ATOSB: variants seen among roughly 807,000 people sequenced by gnomAD.
ATOSB encodes atos homolog protein B.
chr9:35,104,458 C>A, the ATOSB span: 1 of 179,510 alleles, frequency 5.6e-6, no homozygotes, highest in Non-Finnish European at 1.3e-5. Context: ...GACCCCAAAA[C>A]AAGGAGACAC....
the ATOSB span, among the ~76,000 whole-genome samples, chr9:35,113,926 G>A: frequency 6.6e-6 from 1 of 152,124 alleles, no homozygotes; most frequent in African/African-American, 2.4e-5. Context: ...GCAATCCGGC[G>A]ATCTGGATCC....
the ATOSB span, chr9:35,105,671 C>T: frequency 6.2e-7 from 1 of 1,612,676 alleles, no homozygotes; most frequent in Non-Finnish European, 8.5e-7. This position sits in a 1 kb window ranked among gnomAD's most constrained non-coding sequence, Gnocchi z 5.5. Context: ...ATCCCTGGGC[C>T]CTCTCCTCAC....
chr9:35,105,123 C>T, the ATOSB span: 1 of 1,344,200 alleles, frequency 7.4e-7, no homozygotes, highest in Non-Finnish European at 1.0e-6. This position sits in a 1 kb window ranked among gnomAD's most constrained non-coding sequence, Gnocchi z 5.5. Flanking sequence ...GGCTTTAATT[C>T]AAGCCTGAAG....
chr9:35,114,751 C>T, the ATOSB span, among the ~76,000 whole-genome samples: 18 of 152,212 alleles, frequency 1.2e-4, no homozygotes, highest in African/African-American at 3.4e-4. Flanking sequence ...CTCCTCACCA[C>T]TTCCCCCCTC....
At chr9:35,105,779 T>C in the ATOSB span, 1 of 1,614,038 alleles carries the variant, frequency 6.2e-7, no homozygotes, top group Admixed American at 1.7e-5. This position sits in a 1 kb window ranked among gnomAD's most constrained non-coding sequence, Gnocchi z 5.5. Flanking sequence ...AGGAAGGTCA[T>C]GTGGGCAGCA....
chr9:35,105,410 G>T, the ATOSB span: 1 of 1,583,274 alleles, frequency 6.3e-7, no homozygotes, highest in Non-Finnish European at 8.6e-7. The surrounding 1 kb of genome is among the most constrained non-coding windows in gnomAD (Gnocchi z 5.5). Context: ...TAAGAATCCA[G>T]GCTGGGTTCA....
the ATOSB span, chr9:35,106,095 C>G: frequency 6.6e-7 from 1 of 1,518,274 alleles, no homozygotes; most frequent in Non-Finnish European, 9.0e-7. The surrounding 1 kb of genome is among the most constrained non-coding windows in gnomAD (Gnocchi z 4.6). Flanking sequence ...AAGCTCTCAC[C>G]CTGAACCTGC....
chr9:35,105,298 G>C, the ATOSB span: 1 of 1,614,176 alleles, frequency 6.2e-7, no homozygotes, highest in Non-Finnish European at 8.5e-7. This position sits in a 1 kb window ranked among gnomAD's most constrained non-coding sequence, Gnocchi z 5.5. Flanking sequence ...CCTGTGTCCA[G>C]CTCCAGGCTC....
chr9:35,107,276 T>C, the ATOSB span: 2 of 1,347,888 alleles, frequency 1.5e-6, no homozygotes, highest in East Asian at 5.1e-5. Flanking sequence ...TCAGCTGAGA[T>C]TGTGCCACTG....
chr9:35,107,501 C>T, the ATOSB span: 1 of 1,606,658 alleles, frequency 6.2e-7, no homozygotes, highest in Non-Finnish European at 8.5e-7. Flanking sequence ...GGGCTGGCCC[C>T]TCTTCCTCAG....
At chr9:35,105,183 G>A in the ATOSB span, 8 of 1,580,810 alleles carry the variant, frequency 5.1e-6, no homozygotes, top group South Asian at 9.1e-5. This position sits in a 1 kb window ranked among gnomAD's most constrained non-coding sequence, Gnocchi z 5.5. Flanking sequence ...AGCAGGATGG[G>A]CAGGTCATTA....
the ATOSB span, chr9:35,107,975 C>T: frequency 6.2e-7 from 1 of 1,601,366 alleles, no homozygotes; most frequent in South Asian, 1.1e-5. Context: ...GGCCTAAGAG[C>T]CCCACAGTAG....
At chr9:35,107,700 C>G in the ATOSB span, 1 of 1,607,160 alleles carries the variant, frequency 6.2e-7, no homozygotes, top group Admixed American at 1.7e-5. Context: ...TTGTGCAAGA[C>G]TGTGCAAATC....
the ATOSB span, among the ~76,000 whole-genome samples, chr9:35,114,377 A>T: frequency 7.1e-6 from 1 of 140,492 alleles, no homozygotes. Flanking sequence ...TCCTCAGCAG[A>T]CCCACCCCCC....
the ATOSB span, among the ~76,000 whole-genome samples, chr9:35,112,107 T>C: frequency 6.6e-6 from 1 of 152,330 alleles, no homozygotes; most frequent in East Asian, 1.9e-4. Flanking sequence ...GCTTCCTCCA[T>C]GCCAGAGAAG....
the ATOSB span, chr9:35,106,242 C>A: frequency 1.9e-6 from 3 of 1,613,182 alleles, no homozygotes; most frequent in South Asian, 3.3e-5. The surrounding 1 kb of genome is among the most constrained non-coding windows in gnomAD (Gnocchi z 4.6). Context: ...GGGTTGGAGT[C>A]AAGGCATACC....
the ATOSB span, chr9:35,105,503 G>A: frequency 2.5e-6 from 3 of 1,196,444 alleles, no homozygotes; most frequent in Non-Finnish European, 3.5e-6. This position sits in a 1 kb window ranked among gnomAD's most constrained non-coding sequence, Gnocchi z 5.5. Context: ...ACCAGCCTAA[G>A]CAACATAGCG....
the ATOSB span, chr9:35,105,056 G>GT: frequency 1.4e-6 from 1 of 722,536 alleles, no homozygotes; most frequent in Non-Finnish European, 2.1e-6. This position sits in a 1 kb window ranked among gnomAD's most constrained non-coding sequence, Gnocchi z 5.5. Flanking sequence ...GCAGGGTGTA[G>GT]TAAGAATCAG....
At chr9:35,106,600 G>A in the ATOSB span, 66 of 1,563,976 alleles carry the variant, frequency 4.2e-5, 1 homozygote, top group South Asian at 2.2e-4. This position sits in a 1 kb window ranked among gnomAD's most constrained non-coding sequence, Gnocchi z 4.6. Flanking sequence ...GCACTGGGGG[G>A]GCTCAGCAGG....
Sources: gnomAD v4.1 joint callset for allele counts (sites outside exome capture counted in the v4.1 genomes callset) on GRCh38, gnomAD v4.1.1 for gene constraint, Gnocchi (gnomAD v3.1) non-coding constraint, MANE v1.5 for transcripts, NCBI Gene and HGNC (gene_info 2026-07-23, HGNC 2026-07-21) for gene names.